Variants in CNGB3 observed in about 807,000 individuals in gnomAD.
The protein encoded by CNGB3 is cyclic nucleotide gated channel subunit beta 3.
CNGB3 carries 86 observed loss-of-function variants against 92.8 expected under a neutral mutation model. The observed-to-expected ratio is 0.93, with a 90% CI of 0.78 to 1.11. The LOEUF (loss-of-function observed/expected upper bound fraction) is 1.11. Among genes scored for constraint, CNGB3 ranks in the 50% least tolerant of loss-of-function variants. The probability of loss-of-function intolerance (pLI) is 0.00; values close to 1 mark genes in which losing one functional copy is unlikely to be tolerated. For synonymous variants in CNGB3, 333 were observed against 332.7 expected, an observed-to-expected ratio of 1.00 and a Z score of -0.01; for missense variants, 1,026 against 956.8, an observed-to-expected ratio of 1.07 and a Z score of -0.95.
At chr8:86,633,684 G>A (rs1823007577) in intron 10 of CNGB3, among the ~76,000 whole-genome samples, 1 of 152,222 alleles carries the variant, frequency 6.6e-6, no homozygotes, top group Non-Finnish European at 1.5e-5. Flanking sequence ...CTCAATGAGA[G>A]AAGCAGCAAA....
At chr8:86,663,679 T>C (rs1195028029) in intron 6 of CNGB3, among the ~76,000 whole-genome samples, 1 of 152,240 alleles carries the variant, frequency 6.6e-6, no homozygotes, top group Non-Finnish European at 1.5e-5. Flanking sequence ...TAGCTAAATA[T>C]GAGACCTTCA....
chr8:86,662,944 A>G (rs1218060615), intron 6 of CNGB3, among the ~76,000 whole-genome samples: 5 of 152,204 alleles, frequency 3.3e-5, no homozygotes, highest in Non-Finnish European at 7.3e-5. Flanking sequence ...GATGAAAAAG[A>G]TTGTATTCAA....
intron 10 of CNGB3, among the ~76,000 whole-genome samples, chr8:86,641,634 T>A (rs1054476832): frequency 7.8e-6 from 1 of 127,642 alleles, no homozygotes; most frequent in Admixed American, 7.2e-5. Flanking sequence ...TCCTTATTCA[T>A]TTTTTTTTCC....
At chr8:86,650,257 A>G (rs933300638) in intron 7 of CNGB3, among the ~76,000 whole-genome samples, 1 of 151,440 alleles carries the variant, frequency 6.6e-6, no homozygotes, top group African/African-American at 2.4e-5. Flanking sequence ...CTTGCTTTCT[A>G]TTCAATTGCT....
chr8:86,661,907 T>A lies in CNGB3; in HGVS notation c.852+5018A>T, dbSNP rs144643088. 105 of 801,714 alleles carry A rather than the reference T, an allele frequency of 1.3e-4. No homozygotes were observed. In the East Asian group the frequency reaches 2.6e-3, roughly 20 times the overall value. The allele number at this position is 801,714 out of a possible 1,614,324, so 49.7% of individuals were successfully genotyped here. A position where few individuals can be genotyped will look rare whatever the true frequency, so the allele number is the denominator to read the frequency against. The stretch of plus-strand genomic sequence containing the variant: ...CCACAAACCATATTGGTGAAAAAGA[T>A]GGATAGGATTCTTGGAATCTCTAGG... On this transcript the variant is annotated intron_variant, in intron 6 of 17. Transcript: ENST00000320005.
At chr8:86,692,423 T>C (rs1418954559) in intron 3 of CNGB3, among the ~76,000 whole-genome samples, 1 of 152,222 alleles carries the variant, frequency 6.6e-6, no homozygotes, top group Non-Finnish European at 1.5e-5. Flanking sequence ...TAAGTACATA[T>C]ATATTTAGGA....
intron 6 of CNGB3, among the ~76,000 whole-genome samples, chr8:86,655,915 T>G (rs1823497015): frequency 6.6e-6 from 1 of 152,220 alleles, no homozygotes; most frequent in Non-Finnish European, 1.5e-5. Context: ...CATTATAACT[T>G]GGACACATGG....
intron 6 of CNGB3, among the ~76,000 whole-genome samples, chr8:86,654,807 A>G (rs1823472159): frequency 6.6e-6 from 1 of 152,166 alleles, no homozygotes; most frequent in African/African-American, 2.4e-5. Context: ...TTTAAAAGTC[A>G]ACATTCCCCA....
At chr8:86,689,145 A>G (rs1824248336) in intron 3 of CNGB3, among the ~76,000 whole-genome samples, 1 of 128,620 alleles carries the variant, frequency 7.8e-6, no homozygotes, top group South Asian at 2.7e-4. Flanking sequence ...GATTATTGAT[A>G]TAATTTCATG....
chr8:86,679,946 G>A (rs1021383786), intron 3 of CNGB3, among the ~76,000 whole-genome samples: 3 of 152,154 alleles, frequency 2.0e-5, no homozygotes, highest in African/African-American at 7.2e-5. Flanking sequence ...ATCCATCTAC[G>A]AGGAAGAGAG....
chr8:86,710,677 A>G (rs764619863), intron 3 of CNGB3, among the ~76,000 whole-genome samples: 3 of 152,210 alleles, frequency 2.0e-5, no homozygotes, highest in African/African-American at 4.8e-5. Flanking sequence ...TTACCACGGA[A>G]GACTGCTTAT....
intron 2 of CNGB3, among the ~76,000 whole-genome samples, chr8:86,733,232 T>C (rs750852910): frequency 6.6e-6 from 1 of 152,142 alleles, no homozygotes; most frequent in Non-Finnish European, 1.5e-5. Context: ...TTTAAGATAA[T>C]GGCCTCCATC....
Position 86,575,401 on chromosome 8 carries a change from A to G in CNGB3, c.*403T>C, listed in dbSNP as rs1821639238. On this transcript the variant is annotated 3_prime_UTR_variant, in exon 18 of 18. Coordinates refer to ENST00000320005, the MANE Select transcript of CNGB3 (RefSeq NM_019098.5). ...GAGGTGAAATTCATAAACCTAGAAC[A>G]ATTAGCCAGGCTTTAGAGTGCCAAA... 6.1e-6 allele frequency: 1 copy of G among 163,662 alleles called. No individual in the cohort carries two copies. Among genetic ancestry groups the G allele is most frequent in the African/African-American group, 2.4e-5 (1 of 41,758 alleles). 10.1% of individuals were successfully genotyped at this position (163,662 alleles called of 1,614,324 possible).
intron 3 of CNGB3, among the ~76,000 whole-genome samples, chr8:86,701,670 T>C (rs891042228): frequency 6.6e-6 from 1 of 152,192 alleles, no homozygotes; most frequent in African/African-American, 2.4e-5. Context: ...TGCAATAATA[T>C]ATTTAAAACA....
At chr8:86,589,287 C>G (rs1319694920) in intron 15 of CNGB3, among the ~76,000 whole-genome samples, 1 of 150,990 alleles carries the variant, frequency 6.6e-6, no homozygotes, top group East Asian at 1.9e-4. Context: ...TTCAAAAAAC[C>G]AGATCCTGGA....
intron 3 of CNGB3, among the ~76,000 whole-genome samples, chr8:86,701,873 A>G (rs912971215): frequency 6.6e-6 from 1 of 152,164 alleles, no homozygotes; most frequent in Non-Finnish European, 1.5e-5. Context: ...ATTATTGGGG[A>G]CTTAGAAAAT....
At chr8:86,689,356 T>C (rs1249030662) in intron 3 of CNGB3, among the ~76,000 whole-genome samples, 2 of 151,914 alleles carry the variant, frequency 1.3e-5, no homozygotes, top group African/African-American at 4.8e-5. Context: ...GGAAGATATA[T>C]CCAATGCTGA....
chr8:86,714,373 C>A (rs1824807625), intron 3 of CNGB3, among the ~76,000 whole-genome samples: 1 of 152,184 alleles, frequency 6.6e-6, no homozygotes, highest in Non-Finnish European at 1.5e-5. Flanking sequence ...CAGCTCACTG[C>A]AACCTCTGCC....
At chr8:86,729,455 C>G (rs1165818925) in intron 2 of CNGB3, among the ~76,000 whole-genome samples, 2 of 152,158 alleles carry the variant, frequency 1.3e-5, no homozygotes, top group Non-Finnish European at 2.9e-5. Flanking sequence ...TATTACCAAG[C>G]CTTTCTAAAT....
Sources: allele counts gnomAD v4.1 joint callset (sites outside exome capture counted in the v4.1 genomes callset), GRCh38; gene constraint gnomAD v4.1.1; transcripts MANE v1.5; gene names NCBI Gene and HGNC (gene_info 2026-07-23, HGNC 2026-07-21).